The following SHANK2 variants were observed in gnomAD, a reference collection of about 807,000 sequenced individuals.
The protein encoded by SHANK2 is SH3 and multiple ankyrin repeat domains 2, also known as SH3 and multiple ankyrin repeat domains protein 2.
In SHANK2, 43 loss-of-function variants were observed where a neutral mutation model predicts 133.7. That is an observed-to-expected ratio of 0.32 (90% CI 0.25 to 0.41). SHANK2 has a LOEUF of 0.41. Among genes scored for constraint, SHANK2 ranks in the 10% least tolerant of loss-of-function variants. The pLI is 1.00. For missense variants in SHANK2, 1,994 were observed against 2,235.8 expected (o/e 0.89, Z 2.18); for synonymous variants, 1,017 against 952.8 (o/e 1.07, Z -1.24).
intron 2 of SHANK2, among the ~76,000 whole-genome samples, chr11:71,207,221 C>G (rs1342765182): frequency 7.5e-6 from 1 of 133,736 alleles, no homozygotes; most frequent in African/African-American, 2.9e-5. Flanking sequence ...ACTCTATCAA[C>G]CAGGCTGGAG....
chr11:70,893,937 G>C (rs1949892719), intron 11 of SHANK2, among the ~76,000 whole-genome samples: 1 of 152,170 alleles, frequency 6.6e-6, no homozygotes, highest in African/African-American at 2.4e-5. Flanking sequence ...TCTCAATGGG[G>C]GGTGCTGTTT....
intron 12 of SHANK2, among the ~76,000 whole-genome samples, chr11:70,812,869 G>A (rs1176510103): frequency 2.0e-5 from 3 of 152,046 alleles, no homozygotes; most frequent in African/African-American, 7.3e-5. Flanking sequence ...TGGTATAAGG[G>A]CCAAATCACT....
intron 14 of SHANK2, among the ~76,000 whole-genome samples, chr11:70,708,606 C>A (rs1232017798): frequency 6.6e-6 from 1 of 152,128 alleles, no homozygotes; most frequent in Non-Finnish European, 1.5e-5. Flanking sequence ...CAGTGAGGCC[C>A]CGAGGTTTGG....
rs782648831 is a variant in SHANK2 at position 70,489,311 on chromosome 11, C to A, written c.2572+17G>T. 6.2e-7 allele frequency: 1 copy of A among 1,612,086 alleles called. No individual in the cohort carries two copies. Among genetic ancestry groups the A allele is most frequent in the Non-Finnish European group, 8.5e-7 (1 of 1,178,106 alleles). The stretch of plus-strand genomic sequence containing the variant: ...TTACATTCAGATTACAGATTCCAAA[C>A]CGTAAGGTTCACTAACCTGATAGAA... On this transcript the variant is annotated intron_variant, in intron 24 of 25. Transcript: ENST00000601538.
intron 17 of SHANK2, among the ~76,000 whole-genome samples, chr11:70,641,642 A>G (rs2061184564): frequency 2.6e-5 from 4 of 152,184 alleles, no homozygotes; most frequent in African/African-American, 4.8e-5. Context: ...GCATCTGCGT[A>G]TTCAGGATGG....
intron 17 of SHANK2, among the ~76,000 whole-genome samples, chr11:70,555,876 C>G (rs1349607779): frequency 1.3e-5 from 2 of 152,228 alleles, no homozygotes; most frequent in Admixed American, 6.5e-5. Flanking sequence ...AAAGCCTAAT[C>G]CACAGCAAGG....
At chr11:70,529,706 C>G (rs2059443654) in intron 17 of SHANK2, among the ~76,000 whole-genome samples, 1 of 152,190 alleles carries the variant, frequency 6.6e-6, no homozygotes, top group Admixed American at 6.5e-5. Context: ...TCCCCTCCCC[C>G]TCCCACTGGT....
chr11:71,146,052 C>T (rs1952636198), intron 3 of SHANK2, among the ~76,000 whole-genome samples: 2 of 152,198 alleles, frequency 1.3e-5, no homozygotes, highest in Non-Finnish European at 2.9e-5. Flanking sequence ...AAATGGGCTT[C>T]GTACCAACTG....
chr11:70,651,416 C>T (rs529553684), intron 17 of SHANK2, among the ~76,000 whole-genome samples: 3 of 152,278 alleles, frequency 2.0e-5, no homozygotes, highest in Admixed American at 6.5e-5. Context: ...GAACGACCTC[C>T]CCAGGCCCAG....
chr11:71,078,170 G>A (rs1158718634), intron 8 of SHANK2, among the ~76,000 whole-genome samples: 2 of 89,992 alleles, frequency 2.2e-5, no homozygotes, highest in African/African-American at 3.9e-5. Context: ...TAAAGGAAAT[G>A]GTAAAAAAAA....
At chr11:70,557,336 C>T (rs565785401) in intron 17 of SHANK2, among the ~76,000 whole-genome samples, 2 of 152,218 alleles carry the variant, frequency 1.3e-5, no homozygotes, top group South Asian at 4.1e-4. Flanking sequence ...AGTTCCAGGG[C>T]GGGGACTGAA....
intron 2 of SHANK2, among the ~76,000 whole-genome samples, chr11:71,176,277 C>T (rs1410621643): frequency 6.6e-6 from 1 of 152,090 alleles, no homozygotes; most frequent in Non-Finnish European, 1.5e-5. Flanking sequence ...AGAATATGTA[C>T]AGAAATCCAA....
intron 14 of SHANK2, among the ~76,000 whole-genome samples, chr11:70,747,023 A>C (rs1389979430): frequency 3.0e-4 from 20 of 65,934 alleles, no homozygotes; most frequent in South Asian, 6.1e-4. Context: ...CCCTCCCTCC[A>C]CCCCTGCACT....
chr11:70,886,279 TG>T (rs1230900046), intron 11 of SHANK2, among the ~76,000 whole-genome samples: 1 of 152,208 alleles, frequency 6.6e-6, no homozygotes. Context: ...CAATTTGTTT[TG>T]AAAATATTCT....
chr11:71,077,437 T>C (rs995237940), intron 8 of SHANK2, among the ~76,000 whole-genome samples: 3,709 of 152,298 alleles, frequency 0.024, 136 homozygotes, highest in African/African-American at 0.084. Context: ...ACGGAACCGC[T>C]GACTCCGGGT....
At chr11:70,814,186 TG>T (rs1555053783) in intron 12 of SHANK2, among the ~76,000 whole-genome samples, 1 of 152,098 alleles carries the variant, frequency 6.6e-6, no homozygotes, top group Non-Finnish European at 1.5e-5. Context: ...TAGCTGAGTA[TG>T]GTGGAGCATG....
chr11:71,162,133 C>T (rs1288136711), intron 2 of SHANK2, among the ~76,000 whole-genome samples: 3 of 152,218 alleles, frequency 2.0e-5, no homozygotes, highest in Admixed American at 2.0e-4. Flanking sequence ...ATGCCACTGT[C>T]TTATTCTACT....
At chr11:70,721,065 C>T (rs1234323607) in intron 14 of SHANK2, among the ~76,000 whole-genome samples, 1 of 152,212 alleles carries the variant, frequency 6.6e-6, no homozygotes, top group African/African-American at 2.4e-5. Context: ...AGGTGAGATC[C>T]CTGACTGACC....
chr11:71,067,838 C>T (rs1015589950), intron 9 of SHANK2, among the ~76,000 whole-genome samples: 16 of 138,578 alleles, frequency 1.2e-4, no homozygotes, highest in African/African-American at 3.8e-4. Context: ...ACCACCATCG[C>T]TCACCAACAA....
Sources: gnomAD v4.1 joint callset for allele counts (sites outside exome capture counted in the v4.1 genomes callset) on GRCh38, gnomAD v4.1.1 for gene constraint, MANE v1.5 for transcripts, NCBI Gene and HGNC (gene_info 2026-07-23, HGNC 2026-07-21) for gene names.